Variants in POU6F2 observed in about 807,000 individuals in gnomAD.
POU6F2 encodes the protein POU class 6 homeobox 2.
POU6F2 carries 31 observed loss-of-function variants against 71.3 expected under a neutral mutation model. That is an observed-to-expected ratio of 0.43 (90% CI 0.33 to 0.59). The LOEUF is 0.59. Ranked by LOEUF, POU6F2 falls within the 20% of genes least tolerant of loss-of-function variation. The pLI is 0.04. For synonymous variants in POU6F2, 347 were observed against 355.7 expected, an observed-to-expected ratio of 0.98 and a Z score of 0.27; for missense variants, 783 against 856.8, an observed-to-expected ratio of 0.91 and a Z score of 1.07.
intron 1 of POU6F2, among the ~76,000 whole-genome samples, chr7:39,056,307 A>AT (rs1336679925): frequency 6.6e-6 from 1 of 151,460 alleles, no homozygotes; most frequent in Non-Finnish European, 1.5e-5. Flanking sequence ...GTCAACTCCT[A>AT]TTTTATCTCT....
At chr7:39,419,370 C>T (rs1297404240) in intron 6 of POU6F2, among the ~76,000 whole-genome samples, 2 of 151,642 alleles carry the variant, frequency 1.3e-5, no homozygotes, top group Admixed American at 6.6e-5. Context: ...TCCTGAGTAG[C>T]TGGGATTACA....
At position 39,034,465 on chromosome 7, in the gene POU6F2, A is replaced by G. The variant is rs188916156; in HGVS notation, c.106-51395A>G. On this transcript the variant is annotated intron_variant, in intron 1 of 9. Transcript: ENST00000518318. ...GAGCAGTTCTAGAATACTTTATTACATATCTATGGAGACAATGGCATGGAC... is the reference window on the plus strand; with the variant it reads ...GAGCAGTTCTAGAATACTTTATTACGTATCTATGGAGACAATGGCATGGAC... 70 of 437,016 alleles carry G rather than the reference A, an allele frequency of 1.6e-4. No individual in the cohort carries two copies. In the East Asian group the frequency reaches 4.3e-3, roughly 27 times the overall value. 27.1% of individuals were successfully genotyped at this position (437,016 alleles called of 1,614,324 possible).
chr7:39,273,100 A>G (rs1784368544), intron 4 of POU6F2, among the ~76,000 whole-genome samples: 1 of 152,232 alleles, frequency 6.6e-6, no homozygotes, highest in South Asian at 2.1e-4. Flanking sequence ...AAAAAATAAA[A>G]TAAAAAAGAA....
intron 2 of POU6F2, among the ~76,000 whole-genome samples, chr7:39,125,784 TTCTC>T (rs1264772180): frequency 1.3e-5 from 2 of 152,204 alleles, no homozygotes; most frequent in African/African-American, 4.8e-5. Context: ...CACTGGGTCT[TTCTC>T]TCTTCCCTTG....
intron 5 of POU6F2, among the ~76,000 whole-genome samples, chr7:39,398,960 C>T (rs1562815594): frequency 1.3e-5 from 2 of 152,188 alleles, no homozygotes; most frequent in African/African-American, 4.8e-5. Context: ...CAGCTAACTA[C>T]GGGCAGCCTC....
intron 4 of POU6F2, among the ~76,000 whole-genome samples, chr7:39,236,080 A>G (rs958132588): frequency 3.3e-5 from 5 of 152,194 alleles, no homozygotes; most frequent in African/African-American, 1.2e-4. Context: ...CCAAGAAACT[A>G]TTAATATAAT....
chr7:39,380,605 A>T (rs1786808629), intron 5 of POU6F2, among the ~76,000 whole-genome samples: 1 of 152,358 alleles, frequency 6.6e-6, no homozygotes, highest in East Asian at 1.9e-4. Flanking sequence ...ACTATATTCT[A>T]GCAAAAAAAG....
At chr7:39,301,140 T>C (rs1333572594) in intron 4 of POU6F2, among the ~76,000 whole-genome samples, 1 of 152,156 alleles carries the variant, frequency 6.6e-6, no homozygotes, top group Non-Finnish European at 1.5e-5. Flanking sequence ...TATTTAATAG[T>C]TTTTCGACTC....
Position 39,406,748 on chromosome 7 carries a change from G to C in POU6F2, c.1113+8G>C, listed in dbSNP as rs750054426. The C allele has an allele frequency of 3.1e-6, 5 of 1,613,062 alleles. 1 individual carries two copies. The South Asian group carries it at 5.5e-5, about 18-fold the overall frequency. On this transcript the variant is annotated splice_region_variant and intron_variant, in intron 6 of 9. Transcript: ENST00000518318. ...ACTAATGCACAAGGACAGGTGAGTGGGAGATGGGAACAAGAGTGCATTTTT... is the reference window on the plus strand; with the variant it reads ...ACTAATGCACAAGGACAGGTGAGTGCGAGATGGGAACAAGAGTGCATTTTT...
chr7:39,459,113 T>G (rs1265484778), intron 8 of POU6F2, among the ~76,000 whole-genome samples: 1 of 152,220 alleles, frequency 6.6e-6, no homozygotes, highest in Non-Finnish European at 1.5e-5. Context: ...AGGCTGGAAC[T>G]GCCCCTCCCT....
chr7:39,409,396 C>T (rs1787504207), intron 6 of POU6F2, among the ~76,000 whole-genome samples: 2 of 152,168 alleles, frequency 1.3e-5, no homozygotes, highest in South Asian at 4.1e-4. Flanking sequence ...TGATCCTCCC[C>T]TTCCTCTAGA....
chr7:39,238,318 G>C (rs1406331426), intron 4 of POU6F2, among the ~76,000 whole-genome samples: 1 of 152,112 alleles, frequency 6.6e-6, no homozygotes, highest in East Asian at 1.9e-4. Context: ...TGCTTCGCCA[G>C]TGTCTGTTTC....
Position 38,986,428 on chromosome 7 carries a change from CAG to C in POU6F2, c.105+8371_105+8372del, listed in dbSNP as rs1381866733. Among the ~76,000 whole-genome samples, 4 of 152,020 alleles carry C rather than the reference CAG, an allele frequency of 2.6e-5. No individual in the cohort carries two copies. In the South Asian group the frequency reaches 6.2e-4, roughly 24 times the overall value. Reference sequence around the variant, plus strand: ...TATTGTGGTTATTTCCTTCCAAAAACAGGGGGGCTCTTTGGTTTGCAATGTAC... The same window carrying C: ...TATTGTGGTTATTTCCTTCCAAAAACGGGGGCTCTTTGGTTTGCAATGTAC... On this transcript the variant is annotated intron_variant, in intron 1 of 9. Transcript: ENST00000518318.
intron 5 of POU6F2, among the ~76,000 whole-genome samples, chr7:39,394,997 G>T (rs1021453234): frequency 6.6e-6 from 1 of 152,128 alleles, no homozygotes; most frequent in Non-Finnish European, 1.5e-5. Flanking sequence ...GTGCTTCTGT[G>T]TGCAGTTACC....
Position 39,091,496 on chromosome 7 carries a change from G to A in POU6F2, c.277+5465G>A, listed in dbSNP as rs1007216482. 4.0e-5 allele frequency among the ~76,000 whole-genome samples: 6 copies of A among 151,880 alleles called. No homozygotes were observed. The South Asian group carries it at 6.2e-4, about 16-fold the overall frequency. ...TTATATTTTGTTGTTGTCATTAAAC[G>A]GTCCTAAAAACAACAGGAAATAAGG... On this transcript the variant is annotated intron_variant, in intron 2 of 9. Transcript: ENST00000518318.
At chr7:39,394,659 A>G (rs561424789) in intron 5 of POU6F2, among the ~76,000 whole-genome samples, 1 of 152,238 alleles carries the variant, frequency 6.6e-6, no homozygotes, top group South Asian at 2.1e-4. Flanking sequence ...ACATCCCACA[A>G]TCCCATAATT....
intron 2 of POU6F2, among the ~76,000 whole-genome samples, chr7:39,182,904 A>G (rs1353100057): frequency 6.6e-6 from 1 of 152,182 alleles, no homozygotes; most frequent in Non-Finnish European, 1.5e-5. Context: ...TGAAATTTTT[A>G]TTCCAGCAAA....
Position 39,054,133 on chromosome 7 carries a change from A to T in POU6F2, c.106-31727A>T, listed in dbSNP as rs77302917. ...AAAGAAAAAAAGAAAAAAGAAATTT[A>T]AAAAAATCTCTAAACACTTTAAAAT... On this transcript the variant is annotated intron_variant, in intron 1 of 9. Transcript: ENST00000518318. 3.5e-3 allele frequency among the ~76,000 whole-genome samples: 534 copies of T among 152,194 alleles called. 1 individual carries two copies. The highest frequency in any genetic ancestry group is 5.8e-3 in the Non-Finnish European group (391 of 67,994).
intron 6 of POU6F2, among the ~76,000 whole-genome samples, chr7:39,410,807 G>C (rs1787535804): frequency 6.6e-6 from 1 of 152,108 alleles, no homozygotes; most frequent in African/African-American, 2.4e-5. Flanking sequence ...TTTCCGGAAA[G>C]CTATATTTGA....
Sources: allele counts gnomAD v4.1 joint callset (sites outside exome capture counted in the v4.1 genomes callset), GRCh38; gene constraint gnomAD v4.1.1; transcripts MANE v1.5; gene names NCBI Gene and HGNC (gene_info 2026-07-23, HGNC 2026-07-21).